The following REC114 variants were observed in gnomAD, a reference collection of about 807,000 sequenced individuals.
REC114 encodes REC114 meiotic recombination protein.
REC114 carries 27 observed loss-of-function variants against 31.3 expected under a neutral mutation model. The ratio of observed to expected loss-of-function variants is 0.86; its 90% CI spans 0.64 to 1.19. The LOEUF is 1.19. REC114 is among the 50% of genes most tolerant of loss of function. REC114 has a pLI of 0.00. For missense variants in REC114, 344 were observed against 326.9 expected, an observed-to-expected ratio of 1.05 and a Z score of -0.40; for synonymous variants, 134 against 127.7, an observed-to-expected ratio of 1.05 and a Z score of -0.33.
chr15:73,481,430 A>G (rs1893291878), intron 2 of REC114, among the ~76,000 whole-genome samples: 1 of 152,050 alleles, frequency 6.6e-6, no homozygotes, highest in Admixed American at 6.6e-5. Context: ...ACATACCACT[A>G]GACTGTTCTA....
chr15:73,457,518 G>T (rs1892933589), intron 1 of REC114, among the ~76,000 whole-genome samples: 1 of 152,136 alleles, frequency 6.6e-6, no homozygotes, highest in Non-Finnish European at 1.5e-5. Flanking sequence ...ACCAGGCTCT[G>T]CCTGGGTTTA....
chr15:73,551,240 G>A (rs563969723), intron 4 of REC114, 90 bp downstream of exon 4: 9 of 1,279,988 alleles, frequency 7.0e-6, no homozygotes, highest in African/African-American at 5.9e-5. Flanking sequence ...TGTCAAGTCT[G>A]TTAGGTTTGT....
chr15:73,466,026 AT>A (rs1567854312), intron 1 of REC114, among the ~76,000 whole-genome samples: 1 of 150,584 alleles, frequency 6.6e-6, no homozygotes, highest in Non-Finnish European at 1.5e-5. Context: ...TAATTTTTTC[AT>A]TTTTTTAGTA....
At chr15:73,452,143 G>T (rs1461552024) in intron 1 of REC114, among the ~76,000 whole-genome samples, 3 of 152,118 alleles carry the variant, frequency 2.0e-5, no homozygotes, top group Non-Finnish European at 4.4e-5. Flanking sequence ...GGGCAATCGG[G>T]CAAGAGAAAG....
chr15:73,529,154 T>G (rs1043231390), intron 2 of REC114, among the ~76,000 whole-genome samples: 1 of 151,650 alleles, frequency 6.6e-6, no homozygotes, highest in African/African-American at 2.4e-5. Flanking sequence ...TTTTTTTTTT[T>G]GGAGACAGAG....
At chr15:73,457,750 G>A (rs1350620513) in intron 1 of REC114, among the ~76,000 whole-genome samples, 1 of 152,108 alleles carries the variant, frequency 6.6e-6, no homozygotes, top group Non-Finnish European at 1.5e-5. Context: ...AATTCCCGTT[G>A]GCCAGAAGAG....
intron 3 of REC114, among the ~76,000 whole-genome samples, chr15:73,544,769 CT>C (rs1894286096): frequency 6.6e-6 from 1 of 152,276 alleles, no homozygotes; most frequent in East Asian, 1.9e-4. Flanking sequence ...TGTTTAAGAC[CT>C]TTTTCTGTAC....
intron 3 of REC114, among the ~76,000 whole-genome samples, chr15:73,543,942 CTTT>C (rs34215297): frequency 1.6e-4 from 12 of 74,130 alleles, no homozygotes; most frequent in African/African-American, 4.6e-4. Context: ...TGTTAACTGG[CTTT>C]TTTTTTTTTT....
intron 2 of REC114, among the ~76,000 whole-genome samples, chr15:73,536,663 TTATG>T (rs1894160587): frequency 6.6e-6 from 1 of 152,128 alleles, no homozygotes; most frequent in Non-Finnish European, 1.5e-5. Flanking sequence ...TTATTGAAAT[TTATG>T]TATGGCAAGT....
At chr15:73,517,580 G>C (rs1361133571) in intron 2 of REC114, among the ~76,000 whole-genome samples, 1 of 152,158 alleles carries the variant, frequency 6.6e-6, no homozygotes, top group Non-Finnish European at 1.5e-5. Flanking sequence ...CTCAACTGAA[G>C]GTAGCCTCAT....
intron 1 of REC114, among the ~76,000 whole-genome samples, chr15:73,447,186 G>A (rs1892776774): frequency 6.6e-6 from 1 of 152,158 alleles, no homozygotes; most frequent in Non-Finnish European, 1.5e-5. Flanking sequence ...AGTTTTGGAT[G>A]TATTGAATTT....
At chr15:73,479,565 T>C (rs537850398) in intron 2 of REC114, among the ~76,000 whole-genome samples, 1 of 152,218 alleles carries the variant, frequency 6.6e-6, no homozygotes, top group South Asian at 2.1e-4. Flanking sequence ...TTCATACCCT[T>C]TGACCAACAT....
At chr15:73,537,518 T>C (rs900834317) in intron 2 of REC114, among the ~76,000 whole-genome samples, 1 of 152,164 alleles carries the variant, frequency 6.6e-6, no homozygotes, top group African/African-American at 2.4e-5. Context: ...GCGACAGTGG[T>C]CTCCTTGCAG....
intron 2 of REC114, among the ~76,000 whole-genome samples, chr15:73,481,650 C>CTTTTTTTT (rs530704232): frequency 8.8e-6 from 1 of 114,072 alleles, no homozygotes; most frequent in Non-Finnish European, 1.8e-5. Flanking sequence ...TCTTAACTCC[C>CTTTTTTTT]TTTTTTTTTT....
At chr15:73,448,957 A>G (rs1321751101) in intron 1 of REC114, among the ~76,000 whole-genome samples, 1 of 152,184 alleles carries the variant, frequency 6.6e-6, no homozygotes, top group Non-Finnish European at 1.5e-5. Flanking sequence ...CAACATCAAC[A>G]AAAAGGATGT....
chr15:73,475,228 C>G (rs1468512816), intron 2 of REC114, among the ~76,000 whole-genome samples: 1 of 152,134 alleles, frequency 6.6e-6, no homozygotes, highest in African/African-American at 2.4e-5. Flanking sequence ...ATAGAAATTT[C>G]TTTGTATCAC....
intron 2 of REC114, among the ~76,000 whole-genome samples, chr15:73,532,254 G>A (rs374076377): frequency 1.9e-4 from 29 of 149,794 alleles, no homozygotes; most frequent in Admixed American, 8.7e-4. Flanking sequence ...TTGTTCTTGC[G>A]ATAGTTTACT....
At chr15:73,550,831 T>G in intron 3 of REC114, 107 bp from the exon 4 acceptor site, 1 of 996,248 alleles carries the variant, frequency 1.0e-6, no homozygotes, top group South Asian at 1.5e-5. Context: ...TGTTCCCTTA[T>G]CTATACCTCT....
chr15:73,478,755 A>G lies in REC114; in HGVS notation c.249+4834A>G, dbSNP rs145264969. On this transcript the variant is annotated intron_variant, in intron 2 of 5. Coordinates refer to ENST00000331090, the MANE Select transcript of REC114 (RefSeq NM_001042367.2). Reference sequence around the variant, plus strand: ...CTCTCATCAATGTTTTGTAGTTTTCATAATACAGGTCTTGCACATACTTTG... The same window carrying G: ...CTCTCATCAATGTTTTGTAGTTTTCGTAATACAGGTCTTGCACATACTTTG... Among the ~76,000 whole-genome samples, 736 of 152,310 alleles carry G rather than the reference A, an allele frequency of 4.8e-3. 6 individuals are homozygous for G. The highest frequency in any genetic ancestry group is 0.017 in the African/African-American group (694 of 41,570).
Sources: allele counts gnomAD v4.1 joint callset (sites outside exome capture counted in the v4.1 genomes callset), GRCh38; gene constraint gnomAD v4.1.1; transcripts MANE v1.5; gene names NCBI Gene and HGNC (gene_info 2026-07-23, HGNC 2026-07-21).